UST: variants seen among roughly 807,000 people sequenced by gnomAD.
UST encodes chondroitin sulfate 2-O-sulfotransferase.
In UST, 21 loss-of-function variants were observed where a neutral mutation model predicts 45.6. The ratio of observed to expected loss-of-function variants is 0.46; its 90% CI spans 0.33 to 0.66. The LOEUF (loss-of-function observed/expected upper bound fraction) is 0.66. Among genes scored for constraint, UST ranks in the 30% least tolerant of loss-of-function variants. The probability of loss-of-function intolerance (pLI) is 0.02; values close to 1 mark genes in which losing one functional copy is unlikely to be tolerated. For missense variants in UST, 463 were observed against 512.4 expected (o/e 0.90, Z 0.93); for synonymous variants, 215 against 200.6 (o/e 1.07, Z -0.61).
chr6:148,835,404 A>G (rs1356161701), intron 1 of UST, among the ~76,000 whole-genome samples: 1 of 152,144 alleles, frequency 6.6e-6, no homozygotes, highest in African/African-American at 2.4e-5. Context: ...GGTGGTCAAC[A>G]GTCTATTTTC....
At chr6:148,970,925 A>G (rs1780902313) in intron 5 of UST, among the ~76,000 whole-genome samples, 1 of 152,164 alleles carries the variant, frequency 6.6e-6, no homozygotes, top group South Asian at 2.1e-4. Context: ...GTCCCCTCTC[A>G]AGGTCTGTAA....
chr6:148,945,901 C>A (rs998653362), intron 3 of UST, among the ~76,000 whole-genome samples: 1 of 152,206 alleles, frequency 6.6e-6, no homozygotes, highest in Non-Finnish European at 1.5e-5. Context: ...AACGTAACAT[C>A]TGTTCTGACC....
intron 4 of UST, among the ~76,000 whole-genome samples, chr6:148,962,291 A>G (rs1441080365): frequency 6.6e-6 from 1 of 152,274 alleles, no homozygotes; most frequent in African/African-American, 2.4e-5. Flanking sequence ...CCATTGATCA[A>G]AGATGGCAGT....
chr6:148,851,605 C>T (rs1205144522), intron 1 of UST, among the ~76,000 whole-genome samples: 2 of 152,188 alleles, frequency 1.3e-5, no homozygotes, highest in African/African-American at 2.4e-5. Flanking sequence ...GCAAACTTTT[C>T]TGCTCAGCCA....
chr6:148,752,167 G>A (rs1383276248), intron 1 of UST, among the ~76,000 whole-genome samples: 1 of 152,178 alleles, frequency 6.6e-6, no homozygotes, highest in East Asian at 1.9e-4. Context: ...TGAAAAGTAT[G>A]TCATGTTATT....
intron 1 of UST, among the ~76,000 whole-genome samples, chr6:148,836,634 G>C (rs1181205428): frequency 6.6e-6 from 1 of 152,146 alleles, no homozygotes; most frequent in East Asian, 1.9e-4. Context: ...TTTTGAACTT[G>C]ATGAACATTT....
chr6:148,812,048 T>C (rs1378220074), intron 1 of UST, among the ~76,000 whole-genome samples: 2 of 152,246 alleles, frequency 1.3e-5, no homozygotes, highest in Non-Finnish European at 2.9e-5. Flanking sequence ...TTGCAATTTG[T>C]ATTTGCAGAT....
chr6:149,060,504 G>C (rs1238236846), intron 7 of UST, among the ~76,000 whole-genome samples: 1 of 152,226 alleles, frequency 6.6e-6, no homozygotes, highest in African/African-American at 2.4e-5. Context: ...TCTTTGAACT[G>C]TATGGCCTCC....
chr6:148,783,275 T>C (rs545777696), intron 1 of UST, among the ~76,000 whole-genome samples: 1 of 152,364 alleles, frequency 6.6e-6, no homozygotes, highest in East Asian at 1.9e-4. Context: ...ATAACTTTTA[T>C]ATGCCTTGGA....
intron 1 of UST, among the ~76,000 whole-genome samples, chr6:148,815,998 G>A (rs1777347204): frequency 6.6e-6 from 1 of 152,090 alleles, no homozygotes; most frequent in Non-Finnish European, 1.5e-5. Flanking sequence ...CAGACCTGAT[G>A]TGTTTCATGC....
At chr6:148,753,866 A>T (rs1230415039) in intron 1 of UST, among the ~76,000 whole-genome samples, 1 of 152,064 alleles carries the variant, frequency 6.6e-6, no homozygotes, top group African/African-American at 2.4e-5. Context: ...TATTATAGCC[A>T]TCTTAATGGG....
intron 1 of UST, among the ~76,000 whole-genome samples, chr6:148,784,545 CT>C (rs1776703330): frequency 6.6e-6 from 1 of 152,208 alleles, no homozygotes; most frequent in African/African-American, 2.4e-5. Context: ...CTGTCTGTAT[CT>C]AAGCTGGCTG....
At chr6:148,782,631 A>G (rs1776663302) in intron 1 of UST, among the ~76,000 whole-genome samples, 1 of 151,772 alleles carries the variant, frequency 6.6e-6, no homozygotes, top group Non-Finnish European at 1.5e-5. Context: ...TTGTATTTTT[A>G]GTAGAGACAG....
intron 1 of UST, among the ~76,000 whole-genome samples, chr6:148,858,544 A>G (rs1003052254): frequency 2.0e-5 from 3 of 151,750 alleles, no homozygotes; most frequent in Non-Finnish European, 4.4e-5. Flanking sequence ...CATGTGCACA[A>G]TGTGCAGGTT....
At chr6:148,927,192 G>A (rs563420013) in intron 2 of UST, among the ~76,000 whole-genome samples, 1 of 152,114 alleles carries the variant, frequency 6.6e-6, no homozygotes, top group Admixed American at 6.5e-5. Context: ...GAGAGAGAAA[G>A]GGGAGGGAAA....
intron 2 of UST, among the ~76,000 whole-genome samples, chr6:148,889,261 A>G (rs1778968775): frequency 6.6e-6 from 1 of 152,270 alleles, no homozygotes; most frequent in Non-Finnish European, 1.5e-5. Flanking sequence ...GGCCATGAAT[A>G]TAAAGAGAAC....
At chr6:148,943,627 G>A (rs1780174505) in intron 3 of UST, among the ~76,000 whole-genome samples, 1 of 152,186 alleles carries the variant, frequency 6.6e-6, no homozygotes, top group Admixed American at 6.5e-5. Context: ...TGGCTTGTCT[G>A]GAAGCCAGAG....
At chr6:149,042,690 A>G (rs1582973260) in intron 7 of UST, among the ~76,000 whole-genome samples, 1 of 152,232 alleles carries the variant, frequency 6.6e-6, no homozygotes, top group Admixed American at 6.5e-5. Flanking sequence ...CCCACAAACT[A>G]TGCCGTTCCT....
intron 1 of UST, among the ~76,000 whole-genome samples, chr6:148,860,078 C>A (rs1208835471): frequency 1.3e-5 from 2 of 152,164 alleles, no homozygotes; most frequent in Non-Finnish European, 2.9e-5. Flanking sequence ...CTACAAATTA[C>A]CTTGGGCAGT....
Sources: gnomAD v4.1 joint callset for allele counts (sites outside exome capture counted in the v4.1 genomes callset) on GRCh38, gnomAD v4.1.1 for gene constraint, MANE v1.5 for transcripts, NCBI Gene and HGNC (gene_info 2026-07-23, HGNC 2026-07-21) for gene names.